The following NR3C1 variants were observed in gnomAD, a reference collection of about 807,000 sequenced individuals.
NR3C1 encodes glucocorticoid receptor.
In NR3C1, 14 loss-of-function variants were observed where a neutral mutation model predicts 74.0. The observed-to-expected ratio is 0.19, with a 90% CI of 0.12 to 0.30. NR3C1 has a LOEUF of 0.30. Ranked by LOEUF, NR3C1 falls within the 10% of genes least tolerant of loss-of-function variation. The probability of loss-of-function intolerance (pLI) is 1.00; values close to 1 mark genes in which losing one functional copy is unlikely to be tolerated. For synonymous variants in NR3C1, 308 were observed against 332.5 expected (o/e 0.93, Z 0.80); for missense variants, 695 against 909.8 (o/e 0.76, Z 3.04).
At position 143,350,867 on chromosome 5, in the gene NR3C1, G is replaced by T. The variant is rs13178847; in HGVS notation, c.1185-36699C>A. ...AGATGCCTTTACAAACAGGATCCTG[G>T]TGTCTAGCACAGGGCTGGTGCCAAC... is the stretch of plus-strand genomic sequence containing the variant. On this transcript the variant is annotated intron_variant, in intron 2 of 8. Coordinates refer to ENST00000394464, the MANE Select transcript of NR3C1 (RefSeq NM_000176.3). Among the ~76,000 whole-genome samples the T allele has an allele frequency of 4.9e-3, 752 of 152,270 alleles. 2 individuals are homozygous for T. Among genetic ancestry groups the T allele is most frequent in the African/African-American group, 0.017 (700 of 41,538 alleles).
intron 2 of NR3C1, among the ~76,000 whole-genome samples, chr5:143,356,978 ATAGT>A (rs1428544255): frequency 2.6e-5 from 4 of 152,236 alleles, no homozygotes; most frequent in Non-Finnish European, 5.9e-5. Flanking sequence ...CTTTGTCCCA[ATAGT>A]TAGTACCTGG....
At chr5:143,431,036 G>T (rs1751791231) in intron 1 of NR3C1, among the ~76,000 whole-genome samples, 1 of 152,180 alleles carries the variant, frequency 6.6e-6, no homozygotes, top group African/African-American at 2.4e-5. Context: ...TTTATGTAGA[G>T]ATGTGGGAGG....
chr5:143,405,127 G>A (rs565009602), upstream of NR3C1: 1 of 985,614 alleles, frequency 1.0e-6, no homozygotes, highest in Non-Finnish European at 1.2e-6. Flanking sequence ...AGGCTTGGAC[G>A]ATGCCGGGAC....
intron 7 of NR3C1, among the ~76,000 whole-genome samples, chr5:143,283,093 T>G (rs750867232): frequency 6.6e-6 from 1 of 152,122 alleles, no homozygotes; most frequent in African/African-American, 2.4e-5. Context: ...AGGCTGGTCT[T>G]AAACTCCTGG....
At chr5:143,404,002 G>A (rs1029246057), upstream of NR3C1, 15 of 985,016 alleles carry the variant, frequency 1.5e-5, no homozygotes, top group Non-Finnish European at 1.8e-5. Flanking sequence ...TCTCTGGGGC[G>A]GCGTTAAGAG....
upstream of NR3C1, chr5:143,403,825 C>T: frequency 1.0e-6 from 1 of 970,628 alleles, no homozygotes; most frequent in Non-Finnish European, 1.2e-6. Flanking sequence ...GCCCGCGGTC[C>T]CTGCCCCCAC....
At chr5:143,427,396 T>C (rs1751587879) in intron 1 of NR3C1, among the ~76,000 whole-genome samples, 1 of 152,116 alleles carries the variant, frequency 6.6e-6, no homozygotes, top group South Asian at 2.1e-4. Flanking sequence ...AGGTTAATTA[T>C]GAAATTCATA....
chr5:143,320,108 G>A (rs558472276), intron 2 of NR3C1, among the ~76,000 whole-genome samples: 1 of 152,238 alleles, frequency 6.6e-6, no homozygotes, highest in East Asian at 1.9e-4. Flanking sequence ...CACACACCAG[G>A]TGATTATATT....
At chr5:143,319,970 C>G (rs1244905997) in intron 2 of NR3C1, among the ~76,000 whole-genome samples, 1 of 152,170 alleles carries the variant, frequency 6.6e-6, no homozygotes, top group Non-Finnish European at 1.5e-5. Flanking sequence ...TTATCAAGTA[C>G]AGGATTGGCT....
intron 2 of NR3C1, among the ~76,000 whole-genome samples, chr5:143,370,759 G>A (rs1418494938): frequency 1.3e-5 from 2 of 151,668 alleles, no homozygotes; most frequent in Admixed American, 6.6e-5. Flanking sequence ...ATTCCCACTT[G>A]GAAATTTTTA....
intron 2 of NR3C1, among the ~76,000 whole-genome samples, chr5:143,338,215 T>C (rs1235176239): frequency 6.6e-6 from 1 of 152,220 alleles, no homozygotes; most frequent in Non-Finnish European, 1.5e-5. Context: ...CTACCAGTTA[T>C]AGAAAAGTAC....
chr5:143,324,129 C>T (rs1196965337), intron 2 of NR3C1, among the ~76,000 whole-genome samples: 1 of 152,200 alleles, frequency 6.6e-6, no homozygotes, highest in Non-Finnish European at 1.5e-5. Flanking sequence ...GGCTCTCTTC[C>T]CACAGCTCCA....
Position 143,399,773 on chromosome 5 carries a change from G to A in NR3C1, c.1067C>T (p.Pro356Leu). The A allele has an allele frequency of 6.2e-7, 1 of 1,614,182 alleles. No homozygotes were observed. The highest frequency in any genetic ancestry group is 8.5e-7 in the Non-Finnish European group (1 of 1,180,022). The stretch of plus-strand genomic sequence containing the variant: ...CCAATTTTCGGAACCAACGGGAATT[G>A]GTGGAATGACATTAAAAATAGGCTT... ...DQKPIFNVIP[P>L]IPVGSENWNR... Residue 356 changes from proline (P) to leucine (L), a missense_variant, in exon 2 of 9, where the codon CCA becomes CTA. By Grantham distance (98) the Pro-to-Leu change is moderately conservative (BLOSUM62 -3). Coordinates refer to ENST00000394464, the MANE Select transcript of NR3C1 (RefSeq NM_000176.3).
At chr5:143,333,207 C>T (rs529662626) in intron 2 of NR3C1, 141 of 1,529,604 alleles carry the variant, frequency 9.2e-5, no homozygotes, top group African/African-American at 4.8e-4. Context: ...TCGGGGTGAA[C>T]GCATCAATCA....
intron 2 of NR3C1, among the ~76,000 whole-genome samples, chr5:143,360,568 G>C (rs921051204): frequency 6.6e-6 from 1 of 152,176 alleles, no homozygotes; most frequent in Non-Finnish European, 1.5e-5. Context: ...TTTGTTTGCT[G>C]ATTAACTTAA....
intron 7 of NR3C1, among the ~76,000 whole-genome samples, chr5:143,291,310 C>G (rs981354403): frequency 6.6e-6 from 1 of 152,250 alleles, no homozygotes; most frequent in African/African-American, 2.4e-5. Flanking sequence ...TCTGCAACCT[C>G]TACGTCCCAG....
In NR3C1 at chr5:143,279,549, T is replaced by A. The variant is rs1373758913; in HGVS notation, c.*2340A>T. ...TACACACCATCTTAAAATATTACAT[T>A]CCCTTTTAGAGAGCATTCAAAAAGC... On this transcript the variant is annotated 3_prime_UTR_variant, in exon 9 of 9. Coordinates refer to ENST00000394464, the MANE Select transcript of NR3C1 (RefSeq NM_000176.3). The A allele has an allele frequency of 1.4e-6, 1 of 736,228 alleles. No homozygotes were observed. The highest frequency in any genetic ancestry group is 2.0e-6 in the Non-Finnish European group (1 of 502,474). The allele number at this position is 736,228 out of a possible 1,614,324, so 45.6% of individuals were successfully genotyped here. A position where few individuals can be genotyped will look rare whatever the true frequency, so the allele number is the denominator to read the frequency against.
intron 2 of NR3C1, among the ~76,000 whole-genome samples, chr5:143,390,352 C>T (rs1838011291): frequency 6.6e-6 from 1 of 152,062 alleles, no homozygotes; most frequent in Non-Finnish European, 1.5e-5. Flanking sequence ...TCTTGCTATA[C>T]TGATAATCAG....
Position 143,403,404 on chromosome 5 carries a change from G to A in NR3C1, c.-207C>T. On this transcript the variant is annotated 5_prime_UTR_variant, in exon 1 of 9. Coordinates refer to ENST00000394464, the MANE Select transcript of NR3C1 (RefSeq NM_000176.3). Reference sequence around the variant, plus strand: ...ATTTAAGAAAGTCTCCCATTGCCCAGCTGACAAGCCAGCCCTCCGCCCCGC... The same window carrying A: ...ATTTAAGAAAGTCTCCCATTGCCCAACTGACAAGCCAGCCCTCCGCCCCGC... 4 of 985,302 alleles carry A rather than the reference G, an allele frequency of 4.1e-6. No individual in the cohort carries two copies. Among genetic ancestry groups the A allele is most frequent in the Non-Finnish European group, 4.8e-6 (4 of 829,942 alleles). The allele number at this position is 985,302 out of a possible 1,614,324, so 61.0% of individuals were successfully genotyped here.
Sources: gnomAD v4.1 joint callset for allele counts (sites outside exome capture counted in the v4.1 genomes callset) on GRCh38, gnomAD v4.1.1 for gene constraint, MANE v1.5 for transcripts, NCBI Gene and HGNC (gene_info 2026-07-23, HGNC 2026-07-21) for gene names.